Variants in ZNF469 observed in about 807,000 individuals in gnomAD.
ZNF469 encodes zinc finger protein 469.
ZNF469 carries 1 observed loss-of-function variant against 1.0 expected under a neutral mutation model. The ratio of observed to expected loss-of-function variants is 1.00; its 90% CI spans 0.35 to 4.73. The LOEUF (loss-of-function observed/expected upper bound fraction) is 4.73. Among genes scored for constraint, ZNF469 ranks in the 30% most tolerant of loss-of-function variants. The probability of loss-of-function intolerance (pLI) is 0.16; values close to 1 mark genes in which losing one functional copy is unlikely to be tolerated. For synonymous variants in ZNF469, 2,703 were observed against 2,363.4 expected (o/e 1.14, Z -4.17); for missense variants, 6,100 against 5,356.3 (o/e 1.14, Z -4.33).
chr16:88,366,776 C>T, the ZNF469 span, among the ~76,000 whole-genome samples: 3 of 151,912 alleles, frequency 2.0e-5, no homozygotes, highest in East Asian at 3.9e-4. Flanking sequence ...CCGCCATCGC[C>T]ACCGTCACCA....
the ZNF469 span, among the ~76,000 whole-genome samples, chr16:88,305,508 C>T: frequency 6.4e-5 from 9 of 141,524 alleles, no homozygotes; most frequent in East Asian, 1.8e-3. Flanking sequence ...ACACGCACAC[C>T]CTCACACACA....
At chr16:88,411,156 C>G (rs1567503966) in intron 1 of ZNF469, among the ~76,000 whole-genome samples, 1 of 152,172 alleles carries the variant, frequency 6.6e-6, no homozygotes, top group East Asian at 1.9e-4. Context: ...TTAGGACTTG[C>G]TTTTGGGGGA....
the ZNF469 span, among the ~76,000 whole-genome samples, chr16:88,179,849 G>C: frequency 6.6e-6 from 1 of 152,224 alleles, no homozygotes. Context: ...CAAATCTGTG[G>C]TAACAACAGT....
At chr16:88,371,745 A>T in the ZNF469 span, among the ~76,000 whole-genome samples, 3 of 152,010 alleles carry the variant, frequency 2.0e-5, no homozygotes, top group Non-Finnish European at 4.4e-5. Context: ...GTTCTCAGTG[A>T]CATCAACACA....
At chr16:88,221,651 CA>C in the ZNF469 span, among the ~76,000 whole-genome samples, 3 of 152,360 alleles carry the variant, frequency 2.0e-5, no homozygotes, top group South Asian at 6.2e-4. Flanking sequence ...CATGCATCCC[CA>C]GGGGTCCTGT....
chr16:88,434,735 C>G lies in ZNF469; in HGVS notation c.7265C>G (p.Ser2422Cys), dbSNP rs201540905. The change falls in exon 3 of 3, where the codon TCC becomes TGC. Residue 2422 changes from serine to cysteine, a missense_variant. Physicochemically the swap from Ser to Cys is moderately radical, Grantham distance 112 (BLOSUM62 -1). Transcript: ENST00000565624. ...SSTASDFQSDSPQSHRNASHQ... is the reference protein window; with the variant it reads ...SSTASDFQSDCPQSHRNASHQ... ...ACAGCCAGTGACTTCCAGTCTGACTCCCCCCAAAGCCACAGAAATGCCTCC... is the reference window on the plus strand; with the variant it reads ...ACAGCCAGTGACTTCCAGTCTGACTGCCCCCAAAGCCACAGAAATGCCTCC... 1.3e-6 allele frequency: 2 copies of G among 1,550,380 alleles called. No homozygotes were observed. Among genetic ancestry groups the G allele is most frequent in the Non-Finnish European group, 1.7e-6 (2 of 1,146,972 alleles).
chr16:88,241,373 G>T, the ZNF469 span, among the ~76,000 whole-genome samples: 1 of 144,114 alleles, frequency 6.9e-6, no homozygotes, highest in African/African-American at 2.6e-5. This position sits in a 1 kb window ranked among gnomAD's most constrained non-coding sequence, Gnocchi z 4.8. Flanking sequence ...AAAAAAAAAA[G>T]CCCTATTGTC....
At chr16:88,270,900 T>G in the ZNF469 span, among the ~76,000 whole-genome samples, 12 of 152,380 alleles carry the variant, frequency 7.9e-5, no homozygotes, top group East Asian at 2.3e-3. Flanking sequence ...TCATTCATTC[T>G]TGTTTTCAGT....
At chr16:88,343,427 C>T in the ZNF469 span, among the ~76,000 whole-genome samples, 26,229 of 152,168 alleles carry the variant, frequency 0.17, 2,694 homozygotes, top group Non-Finnish European at 0.24. Flanking sequence ...CAGAGCCGCC[C>T]GCCCACATGC....
chr16:88,372,075 C>T, the ZNF469 span, among the ~76,000 whole-genome samples: 28 of 1,932 alleles, frequency 0.014, 1 homozygote, highest in East Asian at 0.059. Context: ...TCATCACCAT[C>T]ACCACCATCA....
At chr16:88,288,455 C>T in the ZNF469 span, among the ~76,000 whole-genome samples, 10 of 152,308 alleles carry the variant, frequency 6.6e-5, no homozygotes, top group South Asian at 2.1e-3. Context: ...TACCCATCCA[C>T]CTATCCAAAT....
chr16:88,259,352 G>A, the ZNF469 span, among the ~76,000 whole-genome samples: 5 of 151,410 alleles, frequency 3.3e-5, no homozygotes, highest in South Asian at 6.3e-4. The surrounding 1 kb of genome is among the most constrained non-coding windows in gnomAD (Gnocchi z 4.1). Flanking sequence ...CCATCCCTCT[G>A]CCCGCCAGAT....
the ZNF469 span, among the ~76,000 whole-genome samples, chr16:88,104,373 T>A: frequency 6.6e-6 from 1 of 151,964 alleles, no homozygotes; most frequent in African/African-American, 2.4e-5. Context: ...CACTATCAAC[T>A]TGGAAATTTT....
At chr16:88,138,967 C>G in the ZNF469 span, among the ~76,000 whole-genome samples, 1 of 152,244 alleles carries the variant, frequency 6.6e-6, no homozygotes, top group Non-Finnish European at 1.5e-5. Context: ...TGGTGAAACG[C>G]TAGGCTGTGC....
At chr16:88,353,046 G>A in the ZNF469 span, among the ~76,000 whole-genome samples, 15 of 152,192 alleles carry the variant, frequency 9.9e-5, no homozygotes, top group African/African-American at 3.6e-4. Flanking sequence ...CAGGGTCTGG[G>A]CAGGGAGAGA....
At chr16:88,324,096 G>A in the ZNF469 span, among the ~76,000 whole-genome samples, 2 of 152,218 alleles carry the variant, frequency 1.3e-5, no homozygotes, top group Non-Finnish European at 2.9e-5. Context: ...CGCAAAAATG[G>A]CACACCACAT....
In ZNF469 at chr16:88,437,669, C is replaced by T. The variant is rs281165933; in HGVS notation, c.10199C>T (p.Pro3400Leu). Residue 3400 changes from proline to leucine, a missense_variant, in exon 3 of 3, where the codon CCG becomes CTG. By Grantham distance (98) the Pro-to-Leu change is moderately conservative (BLOSUM62 -3). Transcript: ENST00000565624. ...GAGCGGCCGGAGCTGCAGCACACGC[C>T]GCTGTATGCCTGCGAGCTCTGCGCC... ...LLERPELQHT[P>L]LYACELCATV... is the part of the protein sequence containing the mutation. 1.8e-4 allele frequency: 286 copies of T among 1,548,628 alleles called. No homozygotes were observed. Among genetic ancestry groups the T allele is most frequent in the Admixed American group, 8.4e-4 (43 of 50,946 alleles).
chr16:88,186,530 C>T, the ZNF469 span, among the ~76,000 whole-genome samples: 1 of 152,194 alleles, frequency 6.6e-6, no homozygotes, highest in African/African-American at 2.4e-5. Flanking sequence ...ACTTCAGCCC[C>T]AGGGTTTTCC....
chr16:88,369,228 C>T, the ZNF469 span, among the ~76,000 whole-genome samples: 1 of 152,228 alleles, frequency 6.6e-6, no homozygotes, highest in Non-Finnish European at 1.5e-5. Context: ...TCCCCCACCC[C>T]ACGCTGGGGA....
Sources: allele counts gnomAD v4.1 joint callset (sites outside exome capture counted in the v4.1 genomes callset), GRCh38; gene constraint gnomAD v4.1.1; non-coding constraint Gnocchi (gnomAD v3.1); transcripts MANE v1.5; gene names NCBI Gene and HGNC (gene_info 2026-07-23, HGNC 2026-07-21).